The following VPS13A variants were observed in gnomAD, a reference collection of about 807,000 sequenced individuals.
VPS13A encodes intermembrane lipid transfer protein VPS13A.
Under a neutral mutation model 390.9 loss-of-function variants are expected in VPS13A, and 264 were observed. The observed-to-expected ratio is 0.68, with a 90% CI of 0.61 to 0.75. The LOEUF (loss-of-function observed/expected upper bound fraction) is 0.75. Ranked by LOEUF, VPS13A falls within the 30% of genes least tolerant of loss-of-function variation. The probability of loss-of-function intolerance (pLI) is 0.00; values close to 1 mark genes in which losing one functional copy is unlikely to be tolerated. For missense variants in VPS13A, 3,409 were observed against 3,733.9 expected (o/e 0.91, Z 2.27); for synonymous variants, 1,231 against 1,227.1 (o/e 1.00, Z -0.07).
intron 32 of VPS13A, among the ~76,000 whole-genome samples, chr9:77,294,146 C>G (rs1827839404): frequency 1.3e-5 from 2 of 151,980 alleles, no homozygotes; most frequent in African/African-American, 4.8e-5. Flanking sequence ...GTCTTGAACT[C>G]CTGGCCTCAA....
At chr9:77,194,364 G>T (rs552533527) in intron 1 of VPS13A, among the ~76,000 whole-genome samples, 4 of 151,946 alleles carry the variant, frequency 2.6e-5, no homozygotes, top group African/African-American at 7.3e-5. Flanking sequence ...TGGGGGTTGG[G>T]GGGGGCGCTC....
At position 77,316,352 on chromosome 9, in the gene VPS13A, C is replaced by T. The variant is rs1191574832; in HGVS notation, c.4809C>T (p.Leu1603=). ...CAATGACTGCTGCCATTAAAGATCTCCAAGTGAGAGCCTGCCCGTTTCTTC... is the reference window on the plus strand; with the variant it reads ...CAATGACTGCTGCCATTAAAGATCTTCAAGTGAGAGCCTGCCCGTTTCTTC... ...NSTMTAAIKD[L]QVRACPFLPV... is the part of the protein sequence containing the mutation. The change falls in exon 39 of 72, where the codon CTC becomes CTT. Residue 1603 remains leucine, a synonymous_variant. Transcript: ENST00000360280. 1 of 1,613,016 alleles carries T rather than the reference C, an allele frequency of 6.2e-7. No individual in the cohort carries two copies. Among genetic ancestry groups the T allele is most frequent in the Non-Finnish European group, 8.5e-7 (1 of 1,179,362 alleles).
intron 68 of VPS13A, among the ~76,000 whole-genome samples, chr9:77,400,223 A>ATTTTTTTTTTTTTTTTTTTTTTTTTTTTT (rs34605855): frequency 1.1e-5 from 1 of 88,148 alleles, no homozygotes; most frequent in African/African-American, 5.1e-5. Context: ...TATCAGTCAG[A>ATTTTTTTTTTTTTTTTTTTTTTTTTTTTT]TTTTTTTTTT....
At position 77,304,585 on chromosome 9, in the gene VPS13A, A is replaced by T. The variant is rs183188541; in HGVS notation, c.3960+1523A>T. On this transcript the variant is annotated intron_variant, in intron 34 of 71. Coordinates refer to ENST00000360280, the MANE Select transcript of VPS13A (RefSeq NM_033305.3). ...TATAGATGGCATTTAAAGCCATGGA[A>T]ATATATGAAATAATCTATACAAAGG... Among the ~76,000 whole-genome samples the T allele has an allele frequency of 4.7e-4, 71 of 152,352 alleles. 1 individual carries two copies. The highest frequency in any genetic ancestry group is 1.7e-3 in the African/African-American group (69 of 41,586).
intron 38 of VPS13A, 143 bp from the exon 39 acceptor site, chr9:77,316,031 A>G (rs574617792): frequency 7.6e-5 from 26 of 343,822 alleles, no homozygotes; most frequent in Admixed American, 6.0e-4. Context: ...TCAAGTCTTT[A>G]CTAAGGGTTG....
At chr9:77,252,484 G>A in intron 22 of VPS13A, 132 bp downstream of exon 22, 1 of 822,376 alleles carries the variant, frequency 1.2e-6, no homozygotes, top group South Asian at 1.4e-5. Context: ...TGTGTGTGTG[G>A]TAAAATGTAT....
chr9:77,272,684 G>A (rs886555305), intron 23 of VPS13A, among the ~76,000 whole-genome samples: 1 of 152,264 alleles, frequency 6.6e-6, no homozygotes, highest in South Asian at 2.1e-4. Context: ...ATAAAAGCAA[G>A]ATCATGATGA....
chr9:77,189,798 T>C (rs1341052156), intron 1 of VPS13A, among the ~76,000 whole-genome samples: 4 of 152,316 alleles, frequency 2.6e-5, no homozygotes, highest in Non-Finnish European at 5.9e-5. Flanking sequence ...TTTGCAATTC[T>C]CATTGTAGAG....
intron 35 of VPS13A, 108 bp from the exon 36 acceptor site, chr9:77,313,884 C>A: frequency 8.2e-7 from 1 of 1,216,244 alleles, no homozygotes. Context: ...TCTTGAATGT[C>A]ATTTTACTAT....
rs1230963603 is a variant in VPS13A, at chr9:77,275,425, A to G, written c.2513-73A>G. The G allele has an allele frequency of 1.4e-5, 20 of 1,418,884 alleles. No homozygotes were observed. In the Admixed American group the frequency reaches 3.4e-4, roughly 24 times the overall value. The allele number at this position is 1,418,884 out of a possible 1,614,324, so 87.9% of individuals were successfully genotyped here. On this transcript the variant is annotated intron_variant, in intron 24 of 71. Transcript: ENST00000360280. ...AGAGCCTTAGTGTTTTAGTGTTCAT[A>G]TTTATTTCTATTGAAATACTGTTAA...
In VPS13A at chr9:77,311,641, T is replaced by C. The variant is rs530156144; in HGVS notation, c.4115-2351T>C. Among the ~76,000 whole-genome samples, 5 of 152,284 alleles carry C rather than the reference T, an allele frequency of 3.3e-5. No homozygotes were observed. The South Asian group carries it at 6.2e-4, about 19-fold the overall frequency. On this transcript the variant is annotated intron_variant, in intron 35 of 71. Transcript: ENST00000360280. ...ATATACAGAATCATAGTTGGGGATTTGAACACACCACTCTTGGTAAATGAT... is the reference window on the plus strand; with the variant it reads ...ATATACAGAATCATAGTTGGGGATTCGAACACACCACTCTTGGTAAATGAT...
At chr9:77,187,574 T>G (rs893422628) in intron 1 of VPS13A, among the ~76,000 whole-genome samples, 1 of 151,394 alleles carries the variant, frequency 6.6e-6, no homozygotes, top group Non-Finnish European at 1.5e-5. Context: ...TCAGGTTGTT[T>G]GTTTTTTGAG....
intron 1 of VPS13A, among the ~76,000 whole-genome samples, chr9:77,199,237 T>G (rs1825184262): frequency 6.6e-6 from 1 of 152,142 alleles, no homozygotes. Context: ...GAGGTCTCGC[T>G]GTGTTGCCCA....
intron 23 of VPS13A, among the ~76,000 whole-genome samples, chr9:77,265,705 A>G (rs996641611): frequency 2.6e-5 from 4 of 152,118 alleles, no homozygotes; most frequent in African/African-American, 9.7e-5. Flanking sequence ...TAGTCTGGCT[A>G]GCAGTCTATG....
intron 67 of VPS13A, among the ~76,000 whole-genome samples, chr9:77,374,024 G>T (rs1279795656): frequency 3.3e-5 from 5 of 152,260 alleles, no homozygotes; most frequent in Middle Eastern, 3.4e-3. Context: ...ATACATTAAT[G>T]CTATATATCA....
At chr9:77,182,146 T>C (rs1265225970) in intron 1 of VPS13A, among the ~76,000 whole-genome samples, 2 of 152,142 alleles carry the variant, frequency 1.3e-5, no homozygotes, top group Non-Finnish European at 2.9e-5. Context: ...CGGGTGGGAG[T>C]GCAGTGACGC....
chr9:77,366,315 T>G (rs1832427071), intron 60 of VPS13A, among the ~76,000 whole-genome samples: 1 of 152,114 alleles, frequency 6.6e-6, no homozygotes, highest in South Asian at 2.1e-4. Context: ...AAGTACAGTT[T>G]CCACTGAAGG....
In VPS13A at chr9:77,371,062, G is replaced by A. The variant is rs1832719772; in HGVS notation, c.8990G>A (p.Gly2997Asp). The change falls in exon 67 of 72, where the codon GGT becomes GAT. Residue 2997 changes from glycine (G) to aspartate (D), a missense_variant. Gly to Asp is a moderately conservative substitution (Grantham distance 94). This residue lies in a region of VPS13A where 318 missense variants were observed against 333.7 expected (regional missense o/e 0.95). Coordinates refer to ENST00000360280, the MANE Select transcript of VPS13A (RefSeq NM_033305.3). ...QKGGAAGFFK[G>D]VGKGLVGAVA... is the part of the protein sequence containing the mutation. ...GGAGGAGCAGCTGGTTTCTTTAAAGGTGTTGGGAAAGGTTTAGTAGGAGCG... is the reference window on the plus strand; with the variant it reads ...GGAGGAGCAGCTGGTTTCTTTAAAGATGTTGGGAAAGGTTTAGTAGGAGCG... The A allele has an allele frequency of 6.2e-7, 1 of 1,614,102 alleles. No individual in the cohort carries two copies. The highest frequency in any genetic ancestry group is 8.5e-7 in the Non-Finnish European group (1 of 1,180,008).
intron 1 of VPS13A, among the ~76,000 whole-genome samples, chr9:77,189,728 CT>C (rs1824561278): frequency 6.6e-6 from 1 of 152,126 alleles, no homozygotes; most frequent in Non-Finnish European, 1.5e-5. Flanking sequence ...TTCTTCCTGT[CT>C]ATGAGCATGG....
Sources: gnomAD v4.1 joint callset for allele counts (sites outside exome capture counted in the v4.1 genomes callset) on GRCh38, gnomAD v4.1.1 for gene constraint, gnomAD v4.1.1 regional missense constraint, MANE v1.5 for transcripts, NCBI Gene and HGNC (gene_info 2026-07-23, HGNC 2026-07-21) for gene names.